Variants in DDX46 observed in about 807,000 individuals in gnomAD.
DDX46 encodes DEAD-box helicase 46.
A neutral mutation model predicts 134.9 loss-of-function variants in DDX46; 30 were observed. The ratio of observed to expected loss-of-function variants is 0.22; its 90% CI spans 0.17 to 0.30. The LOEUF (loss-of-function observed/expected upper bound fraction) is 0.30, where lower values mean the gene tolerates loss of function less well. Among genes scored for constraint, DDX46 ranks in the 10% least tolerant of loss-of-function variants. The probability of loss-of-function intolerance (pLI) is 1.00; values close to 1 mark genes in which losing one functional copy is unlikely to be tolerated. For synonymous variants in DDX46, 415 were observed against 404.1 expected, an observed-to-expected ratio of 1.03 and a Z score of -0.32; for missense variants, 622 against 1,248.7, an observed-to-expected ratio of 0.50 and a Z score of 7.56.
intron 2 of DDX46, among the ~76,000 whole-genome samples, chr5:134,766,032 C>T (rs1354236725): frequency 6.6e-6 from 1 of 152,046 alleles, no homozygotes; most frequent in Non-Finnish European, 1.5e-5. Context: ...GAAACTGAGA[C>T]CCAGAAAGTT....
At chr5:134,810,922 C>G (rs1327166475) in intron 16 of DDX46, among the ~76,000 whole-genome samples, 1 of 152,038 alleles carries the variant, frequency 6.6e-6, no homozygotes, top group Non-Finnish European at 1.5e-5. Flanking sequence ...AGGAGAATCA[C>G]TTGAACCCGG....
chr5:134,792,702 A>G (rs1445456697), intron 13 of DDX46, among the ~76,000 whole-genome samples: 2 of 152,244 alleles, frequency 1.3e-5, no homozygotes, highest in East Asian at 3.8e-4. Flanking sequence ...CCATAAATAC[A>G]TACAGGTACA....
intron 1 of DDX46, 108 bp from the exon 2 acceptor site, chr5:134,763,796 C>CT: frequency 1.6e-6 from 2 of 1,281,042 alleles, no homozygotes; most frequent in African/African-American, 1.5e-5. Flanking sequence ...ATAAAAAGTT[C>CT]TTTGAGTGTT....
chr5:134,767,810 C>T (rs926734880), intron 3 of DDX46, among the ~76,000 whole-genome samples: 10 of 151,594 alleles, frequency 6.6e-5, no homozygotes, highest in East Asian at 4.0e-4. Context: ...ATTAGCTGGG[C>T]GTGGTGGCGT....
chr5:134,791,707 A>G (rs1020512914), intron 13 of DDX46, among the ~76,000 whole-genome samples: 2 of 152,238 alleles, frequency 1.3e-5, no homozygotes, highest in Admixed American at 6.5e-5. Flanking sequence ...GGCAAATGTC[A>G]TATTTAGCCT....
intron 5 of DDX46, 112 bp from the exon 6 acceptor site, chr5:134,777,462 A>C: frequency 8.3e-7 from 1 of 1,205,724 alleles, no homozygotes; most frequent in Non-Finnish European, 1.2e-6. Flanking sequence ...AGTAATTGGA[A>C]AAGGGGTGTT....
At chr5:134,762,547 A>G (rs535938416) in intron 1 of DDX46, among the ~76,000 whole-genome samples, 105 of 151,686 alleles carry the variant, frequency 6.9e-4, no homozygotes, top group Non-Finnish European at 1.3e-3. Context: ...AGCCTGACCA[A>G]TGTGGTGAAA....
chr5:134,808,613 A>AG (rs1444867870), intron 16 of DDX46, among the ~76,000 whole-genome samples: 1 of 152,148 alleles, frequency 6.6e-6, no homozygotes. Flanking sequence ...TTAAAAAAAA[A>AG]CATGGGATCA....
chr5:134,817,464 T>G (rs747893512), intron 19 of DDX46, 32 bp from the exon 20 acceptor site: 2 of 1,599,812 alleles, frequency 1.3e-6, no homozygotes, highest in Non-Finnish European at 1.7e-6. Context: ...CTGCCCTCAT[T>G]TGAGATTTAA....
chr5:134,812,059 C>CTTTT (rs767502728), intron 18 of DDX46, among the ~76,000 whole-genome samples: 27 of 99,036 alleles, frequency 2.7e-4, no homozygotes, highest in African/African-American at 4.5e-4. Context: ...GTGAAAAGTC[C>CTTTT]TTTTTTTTTT....
At chr5:134,815,511 T>G (rs1309116198) in intron 18 of DDX46, among the ~76,000 whole-genome samples, 1 of 151,696 alleles carries the variant, frequency 6.6e-6, no homozygotes, top group African/African-American at 2.4e-5. Flanking sequence ...GATGAGACCA[T>G]CCTGCCTAAC....
rs1187327944 is a variant in DDX46 at position 134,829,811 on chromosome 5, T to C, written c.*1105T>C. On this transcript the variant is annotated 3_prime_UTR_variant, in exon 23 of 23. Coordinates refer to ENST00000452510, the MANE Select transcript of DDX46 (RefSeq NM_001300860.2). ...CTGTCTCTACTAAAAATACAAAAATTAGTCGGCATGGTGGTGGGTGGCTGT... is the reference window on the plus strand; with the variant it reads ...CTGTCTCTACTAAAAATACAAAAATCAGTCGGCATGGTGGTGGGTGGCTGT... The C allele has an allele frequency of 2.0e-5, 3 of 151,976 alleles. No homozygotes were observed. The highest frequency in any genetic ancestry group is 4.4e-5 in the Non-Finnish European group (3 of 68,032). 9.4% of individuals were successfully genotyped at this position (151,976 alleles called of 1,614,324 possible).
At chr5:134,769,115 G>C (rs1201715280) in intron 3 of DDX46, among the ~76,000 whole-genome samples, 1 of 152,030 alleles carries the variant, frequency 6.6e-6, no homozygotes, top group Non-Finnish European at 1.5e-5. Context: ...TGTCCCTTGG[G>C]ATTTTAAACG....
At chr5:134,788,419 C>G in intron 11 of DDX46, 94 bp from the exon 12 acceptor site, 1 of 1,010,994 alleles carries the variant, frequency 9.9e-7, no homozygotes, top group Non-Finnish European at 1.5e-6. Context: ...GCTTGGAAGT[C>G]TTCTAATTAG....
intron 15 of DDX46, among the ~76,000 whole-genome samples, chr5:134,801,574 AT>A (rs1393908558): frequency 6.6e-6 from 1 of 151,672 alleles, no homozygotes; most frequent in Non-Finnish European, 1.5e-5. Context: ...ATTTTTTTAT[AT>A]TTTTTTGTGG....
At chr5:134,784,889 T>C (rs1028605479) in intron 10 of DDX46, among the ~76,000 whole-genome samples, 1 of 152,228 alleles carries the variant, frequency 6.6e-6, no homozygotes, top group Admixed American at 6.5e-5. Flanking sequence ...GAAGATATCC[T>C]AGGGAAACAT....
chr5:134,763,335 G>A (rs1432118137), intron 1 of DDX46, among the ~76,000 whole-genome samples: 1 of 152,100 alleles, frequency 6.6e-6, no homozygotes, highest in African/African-American at 2.4e-5. Flanking sequence ...TTATATAATG[G>A]CCAGTAAGGC....
chr5:134,816,704 A>G, intron 19 of DDX46, 98 bp downstream of exon 19: 1 of 1,197,432 alleles, frequency 8.4e-7, no homozygotes, highest in Non-Finnish European at 1.2e-6. Flanking sequence ...AAGTTGTCCT[A>G]GACATTGAGT....
At chr5:134,774,727 C>G (rs1753881549) in intron 5 of DDX46, among the ~76,000 whole-genome samples, 2 of 152,242 alleles carry the variant, frequency 1.3e-5, no homozygotes, top group South Asian at 4.1e-4. Flanking sequence ...GATAGAGTTT[C>G]ATTCTCTTGC....
Sources: gnomAD v4.1 joint callset for allele counts (sites outside exome capture counted in the v4.1 genomes callset) on GRCh38, gnomAD v4.1.1 for gene constraint, MANE v1.5 for transcripts, NCBI Gene and HGNC (gene_info 2026-07-23, HGNC 2026-07-21) for gene names.